Variants in ADGRE1 observed in about 807,000 individuals in gnomAD.
The protein encoded by ADGRE1 is adhesion G protein-coupled receptor E1, also known as EGF-like module receptor 1.
In ADGRE1, 82 loss-of-function variants were observed where a neutral mutation model predicts 102.7. That is an observed-to-expected ratio of 0.80 (90% CI 0.67 to 0.96). The LOEUF is 0.96. Among genes scored for constraint, ADGRE1 ranks in the 40% least tolerant of loss-of-function variants. The probability of loss-of-function intolerance (pLI) is 0.00; values close to 1 mark genes in which losing one functional copy is unlikely to be tolerated. For missense variants in ADGRE1, 1,032 were observed against 1,085.3 expected (o/e 0.95, Z 0.69); for synonymous variants, 398 against 399.6 (o/e 1.00, Z 0.05).
intron 8 of ADGRE1, among the ~76,000 whole-genome samples, chr19:6,905,338 A>G (rs1973914118): frequency 1.4e-5 from 2 of 145,942 alleles, no homozygotes; most frequent in Non-Finnish European, 1.5e-5. Context: ...ACAGAGTGAG[A>G]CCCTGTCTTT....
At chr19:6,931,804 G>T (rs200556758) in intron 17 of ADGRE1, among the ~76,000 whole-genome samples, 1 of 127,098 alleles carries the variant, frequency 7.9e-6, no homozygotes, top group Admixed American at 7.8e-5. Flanking sequence ...TCAAAAAAAA[G>T]AAAAAAAAAA....
At chr19:6,939,969 C>T in intron 20 of ADGRE1, 55 bp from the exon 21 acceptor site, 1 of 1,598,548 alleles carries the variant, frequency 6.3e-7, no homozygotes, top group South Asian at 1.1e-5. Flanking sequence ...CCCTTGGAAT[C>T]ACGTTTGTAT....
rs1051188682 is a variant in ADGRE1 at position 6,926,702 on chromosome 19, G to A, written c.2222+101G>A. On this transcript the variant is annotated intron_variant, in intron 16 of 20. Transcript: ENST00000312053. ...AGTAACAACAGTAGCAGTAGTTGTG[G>A]CTACCATTTATCGAGCTCTTCTATT... The A allele has an allele frequency of 2.0e-5, 25 of 1,236,340 alleles. No individual in the cohort carries two copies. The African/African-American group carries it at 3.6e-4, about 18-fold the overall frequency. 76.6% of individuals were successfully genotyped at this position (1,236,340 alleles called of 1,614,324 possible).
chr19:6,922,434 T>A (rs925630399), intron 14 of ADGRE1, among the ~76,000 whole-genome samples: 2 of 151,638 alleles, frequency 1.3e-5, no homozygotes, highest in Non-Finnish European at 2.9e-5. Context: ...GCCAACATGG[T>A]GAAACCCCCG....
At chr19:6,937,512 C>T in intron 19 of ADGRE1, 32 bp from the exon 20 acceptor site, 1 of 1,607,752 alleles carries the variant, frequency 6.2e-7, no homozygotes, top group Non-Finnish European at 8.5e-7. Flanking sequence ...GGACCATTTC[C>T]CTGCATCTGG....
Position 6,924,967 on chromosome 19 carries a change from C to T in ADGRE1, c.1986+95C>T, listed in dbSNP as rs535137607. ...CCAACTCCCTCTATCCCTGTTCCTACCTCAGGGCCTTTGCATATGCTGTGC... is the reference window on the plus strand; with the variant it reads ...CCAACTCCCTCTATCCCTGTTCCTATCTCAGGGCCTTTGCATATGCTGTGC... On this transcript the variant is annotated intron_variant, in intron 15 of 20. Coordinates refer to ENST00000312053, the MANE Select transcript of ADGRE1 (RefSeq NM_001974.5). The T allele has an allele frequency of 6.9e-6, 9 of 1,311,964 alleles. No individual in the cohort carries two copies. The East Asian group carries it at 2.1e-4, about 31-fold the overall frequency. The allele number at this position is 1,311,964 out of a possible 1,614,324, so 81.3% of individuals were successfully genotyped here. A position where few individuals can be genotyped will look rare whatever the true frequency, so the allele number is the denominator to read the frequency against.
chr19:6,935,096 C>T lies in ADGRE1; in HGVS notation c.2381+18C>T. 4.1e-6 allele frequency: 6 copies of T among 1,478,924 alleles called. No homozygotes were observed. Among genetic ancestry groups the T allele is most frequent in the Non-Finnish European group, 4.5e-6 (5 of 1,110,628 alleles). 91.6% of individuals were successfully genotyped at this position (1,478,924 alleles called of 1,614,324 possible). A position where few individuals can be genotyped will look rare whatever the true frequency, so the allele number is the denominator to read the frequency against. On this transcript the variant is annotated intron_variant, in intron 18 of 20. Coordinates refer to ENST00000312053, the MANE Select transcript of ADGRE1 (RefSeq NM_001974.5). ...GACACCAGGTAAAGCCCTCTTTCAC[C>T]TCCCCCCCTCTTTTAATTTCCTCTT...
At chr19:6,931,121 T>G (rs1275365091) in intron 17 of ADGRE1, among the ~76,000 whole-genome samples, 2 of 144,808 alleles carry the variant, frequency 1.4e-5, no homozygotes, top group African/African-American at 5.0e-5. Flanking sequence ...GCTGTTCTAC[T>G]CTCTAGCTCC....
In ADGRE1 at chr19:6,925,243, C is replaced by T. The variant is rs1351053168; in HGVS notation, c.1986+371C>T. Reference sequence around the variant, plus strand: ...TCAAGCAATTCTCCTGCCTCAGCCTCCTGAGAAGCTGGGAATACAGGCATG... The same window carrying T: ...TCAAGCAATTCTCCTGCCTCAGCCTTCTGAGAAGCTGGGAATACAGGCATG... On this transcript the variant is annotated intron_variant, in intron 15 of 20. Transcript: ENST00000312053. Among the ~76,000 whole-genome samples the T allele has an allele frequency of 2.6e-5, 4 of 152,138 alleles. No individual in the cohort carries two copies. The East Asian group carries it at 5.8e-4, about 22-fold the overall frequency.
rs575298501 is a variant in ADGRE1, at chr19:6,894,826, T to A, written c.95-1572T>A. 3.3e-5 allele frequency among the ~76,000 whole-genome samples: 5 copies of A among 152,134 alleles called. No homozygotes were observed. In the East Asian group the frequency reaches 9.7e-4, roughly 29 times the overall value. ...GCATAGCCAAGGTGGTGGGGTTAAA[T>A]GGGTAATTGTCAAATTATATTTGGG... is the stretch of plus-strand genomic sequence containing the variant. On this transcript the variant is annotated intron_variant, in intron 2 of 20. Coordinates refer to ENST00000312053, the MANE Select transcript of ADGRE1 (RefSeq NM_001974.5).
At chr19:6,938,351 A>AAG (rs1975519931) in intron 20 of ADGRE1, among the ~76,000 whole-genome samples, 2 of 95,126 alleles carry the variant, frequency 2.1e-5, no homozygotes, top group Admixed American at 1.1e-4. Flanking sequence ...AAAAAATTAA[A>AAG]TAAATATAGA....
At position 6,890,604 on chromosome 19, in the gene ADGRE1, A is replaced by C. The variant is rs1599707254; in HGVS notation, c.94+61A>C. 11 of 1,559,386 alleles carry C rather than the reference A, an allele frequency of 7.1e-6. No individual in the cohort carries two copies. The Admixed American group carries it at 2.1e-4, about 29-fold the overall frequency. On this transcript the variant is annotated intron_variant, in intron 2 of 20. Transcript: ENST00000312053. The stretch of plus-strand genomic sequence containing the variant: ...GGTAGAGAAAGTTTTCTCCCCGGGG[A>C]AACATCCCAGGAAGCTGAGCCTCAT...
Position 6,928,166 on chromosome 19 carries a change from A to C in ADGRE1, c.2244A>C (p.Thr748=). 1 of 1,614,098 alleles carries C rather than the reference A, an allele frequency of 6.2e-7. No homozygotes were observed. Among genetic ancestry groups the C allele is most frequent in the Admixed American group, 1.7e-5 (1 of 60,004 alleles). The change falls in exon 17 of 21, where the codon ACA becomes ACC. Residue 748 remains threonine (T), a synonymous_variant. Coordinates refer to ENST00000312053, the MANE Select transcript of ADGRE1 (RefSeq NM_001974.5). ...ACAGCTGCTGGCTGAATACAGAGAC[A>C]GGGTTCATCTGGAGTTTCTTGGGGC... is the stretch of plus-strand genomic sequence containing the variant. The part of the protein sequence containing the change: ...MHNRCWLNTE[T]GFIWSFLGPV...
chr19:6,904,230 T>C, intron 8 of ADGRE1, 48 bp downstream of exon 8: 1 of 1,598,434 alleles, frequency 6.3e-7, no homozygotes, highest in Non-Finnish European at 8.5e-7. Context: ...TTTCTGGCTT[T>C]GGTTGGAAAA....
At chr19:6,891,726 G>A (rs549817942) in intron 2 of ADGRE1, among the ~76,000 whole-genome samples, 1 of 152,244 alleles carries the variant, frequency 6.6e-6, no homozygotes, top group Non-Finnish European at 1.5e-5. Flanking sequence ...TGGGATTACA[G>A]GCATGAGCCA....
rs143381239 is a variant in ADGRE1, at chr19:6,890,599, C to T, written c.94+56C>T. 2,549 of 1,561,998 alleles carry T rather than the reference C, an allele frequency of 1.6e-3. 48 individuals carry two copies. In the South Asian group the frequency reaches 0.019, roughly 11 times the overall value. ...GAAGGGGTAGAGAAAGTTTTCTCCC[C>T]GGGGAAACATCCCAGGAAGCTGAGC... On this transcript the variant is annotated intron_variant, in intron 2 of 20. Coordinates refer to ENST00000312053, the MANE Select transcript of ADGRE1 (RefSeq NM_001974.5).
chr19:6,934,265 C>T (rs972284526), intron 17 of ADGRE1, among the ~76,000 whole-genome samples: 7 of 152,036 alleles, frequency 4.6e-5, no homozygotes, highest in African/African-American at 1.7e-4. Context: ...TTGGCTTCTA[C>T]CTGTTGGTCC....
At position 6,937,776 on chromosome 19, in the gene ADGRE1, T is replaced by A. The variant is rs1304442587; in HGVS notation, c.2655+128T>A. ...GTGCCCACCCTAGTTAGCTCATGGA[T>A]GAAGTGTGGAGTTGAAGACTGGGGA... is the stretch of plus-strand genomic sequence containing the variant. On this transcript the variant is annotated intron_variant, in intron 20 of 20. Coordinates refer to ENST00000312053, the MANE Select transcript of ADGRE1 (RefSeq NM_001974.5). 1.7e-5 allele frequency: 12 copies of A among 707,684 alleles called. No individual in the cohort carries two copies. In the East Asian group the frequency reaches 3.2e-4, roughly 19 times the overall value. 43.8% of individuals were successfully genotyped at this position (707,684 alleles called of 1,614,324 possible). A position where few individuals can be genotyped will look rare whatever the true frequency, so the allele number is the denominator to read the frequency against.
rs371257242 is a variant in ADGRE1 at position 6,909,838 on chromosome 19, G to T, written c.1122+1066G>T. 1.1e-4 allele frequency among the ~76,000 whole-genome samples: 17 copies of T among 152,178 alleles called. No individual in the cohort carries two copies. In the East Asian group the frequency reaches 1.2e-3, roughly 10 times the overall value. ...CAACCTCCACCTCCCAGGTTCAAGC[G>T]ATTCTCCTGCCTCAGCCTCCCGAGT... On this transcript the variant is annotated intron_variant, in intron 10 of 20. Transcript: ENST00000312053.
Sources: gnomAD v4.1 joint callset for allele counts (sites outside exome capture counted in the v4.1 genomes callset) on GRCh38, gnomAD v4.1.1 for gene constraint, MANE v1.5 for transcripts, NCBI Gene and HGNC (gene_info 2026-07-23, HGNC 2026-07-21) for gene names.